The following CHSY1 variants were observed in gnomAD, a reference collection of about 807,000 sequenced individuals.
CHSY1 encodes the protein N-acetylgalactosaminyl-proteoglycan 3-beta-glucuronosyltransferase 1.
CHSY1 carries 13 observed loss-of-function variants against 59.8 expected under a neutral mutation model. The observed-to-expected ratio is 0.22, with a 90% CI of 0.14 to 0.35. The LOEUF is 0.35. Among genes scored for constraint, CHSY1 ranks in the 10% least tolerant of loss-of-function variants. CHSY1 has a pLI of 1.00. For synonymous variants in CHSY1, 459 were observed against 401.2 expected (o/e 1.14, Z -1.72); for missense variants, 947 against 1,030.6 (o/e 0.92, Z 1.11).
intron 2 of CHSY1, among the ~76,000 whole-genome samples, chr15:101,197,890 T>C (rs1002839162): frequency 1.3e-5 from 2 of 152,136 alleles, no homozygotes; most frequent in Admixed American, 6.5e-5. Flanking sequence ...CGAGTGGTAT[T>C]TGGACGCCTT....
chr15:101,249,145 A>G (rs1188434934), intron 1 of CHSY1, among the ~76,000 whole-genome samples: 1 of 151,714 alleles, frequency 6.6e-6, no homozygotes, highest in African/African-American at 2.4e-5. Context: ...TAGGCCCCCC[A>G]CTGATTTGAA....
chr15:101,191,292 A>G (rs892384341), intron 2 of CHSY1, among the ~76,000 whole-genome samples: 2 of 152,260 alleles, frequency 1.3e-5, no homozygotes, highest in African/African-American at 2.4e-5. Context: ...AATGCATGTT[A>G]CTAAGTAAAA....
intron 1 of CHSY1, among the ~76,000 whole-genome samples, chr15:101,250,442 T>G (rs930396659): frequency 1.3e-5 from 2 of 152,208 alleles, no homozygotes; most frequent in African/African-American, 4.8e-5. Context: ...CCAGCTGCTT[T>G]TATGACTCAT....
In CHSY1 at chr15:101,210,107, AAAAC is replaced by A. The variant is rs1439314902; in HGVS notation, c.816+24971_816+24974del. On this transcript the variant is annotated intron_variant, in intron 2 of 2. Coordinates refer to ENST00000254190, the MANE Select transcript of CHSY1 (RefSeq NM_014918.5). ...TCTAGGAAAAAGCATGGAAAAGAAA[AAAAC>A]AAAGTTCAAAAACAAGATCTGTAAC... is the stretch of plus-strand genomic sequence containing the variant. Among the ~76,000 whole-genome samples, 3 of 152,374 alleles carry A rather than the reference AAAAC, an allele frequency of 2.0e-5. No homozygotes were observed. In the East Asian group the frequency reaches 5.8e-4, roughly 29 times the overall value.
chr15:101,211,497 T>C (rs1182074464), intron 2 of CHSY1, among the ~76,000 whole-genome samples: 2 of 152,132 alleles, frequency 1.3e-5, no homozygotes. Flanking sequence ...AATATATATG[T>C]AACTAGAGAC....
Position 101,178,674 on chromosome 15 carries a change from C to G in CHSY1, c.1123G>C (p.Glu375Gln). Residue 375 changes from glutamate (E) to glutamine (Q), a missense_variant, in exon 3 of 3, where the codon GAA becomes CAA. Physicochemically the swap from Glu to Gln is conservative, Grantham distance 29. Coordinates refer to ENST00000254190, the MANE Select transcript of CHSY1 (RefSeq NM_014918.5). ...TATTTTCCAGTCAGAAACTCCCATTCCAGAATCTCCTCTCGCTGGCGGGGC... is the reference window on the plus strand; with the variant it reads ...TATTTTCCAGTCAGAAACTCCCATTGCAGAATCTCCTCTCGCTGGCGGGGC... ...FQPRQREEIL[E>Q]WEFLTGKYLY... 1 of 1,614,256 alleles carries G rather than the reference C, an allele frequency of 6.2e-7. No individual in the cohort carries two copies. The highest frequency in any genetic ancestry group is 8.5e-7 in the Non-Finnish European group (1 of 1,180,052).
chr15:101,190,071 G>C (rs879398427), intron 2 of CHSY1, among the ~76,000 whole-genome samples: 3 of 152,208 alleles, frequency 2.0e-5, no homozygotes, highest in Admixed American at 1.3e-4. Flanking sequence ...CCTAGGTTTT[G>C]AGCACGACCC....
intron 1 of CHSY1, among the ~76,000 whole-genome samples, chr15:101,244,672 T>C (rs1313452841): frequency 6.6e-6 from 1 of 152,252 alleles, no homozygotes; most frequent in Non-Finnish European, 1.5e-5. Flanking sequence ...ACATACACTT[T>C]TGTTTTACTT....
intron 2 of CHSY1, among the ~76,000 whole-genome samples, chr15:101,218,624 G>A (rs1444572581): frequency 6.6e-6 from 1 of 152,114 alleles, no homozygotes; most frequent in Non-Finnish European, 1.5e-5. Flanking sequence ...TTAAACTTAC[G>A]TTAAAACAGG....
At chr15:101,239,334 T>C (rs867020500) in intron 1 of CHSY1, among the ~76,000 whole-genome samples, 1 of 152,350 alleles carries the variant, frequency 6.6e-6, no homozygotes, top group South Asian at 2.1e-4. Context: ...TAAAACACTG[T>C]AATGTTATTT....
At chr15:101,192,011 A>G (rs1314229555) in intron 2 of CHSY1, among the ~76,000 whole-genome samples, 1 of 152,246 alleles carries the variant, frequency 6.6e-6, no homozygotes, top group Non-Finnish European at 1.5e-5. Flanking sequence ...ATTAACAATG[A>G]GTAGGATTGT....
chr15:101,191,981 T>C (rs572045689), intron 2 of CHSY1, among the ~76,000 whole-genome samples: 1 of 152,010 alleles, frequency 6.6e-6, no homozygotes, highest in Non-Finnish European at 1.5e-5. Flanking sequence ...TAGGTGGAAA[T>C]AAAATGCAAG....
chr15:101,233,452 C>G (rs12595071), intron 2 of CHSY1, among the ~76,000 whole-genome samples: 1 of 152,134 alleles, frequency 6.6e-6, no homozygotes, highest in Non-Finnish European at 1.5e-5. Flanking sequence ...AATGTGTTAC[C>G]TATTTTAACC....
At chr15:101,181,071 C>T (rs1022799248) in intron 2 of CHSY1, among the ~76,000 whole-genome samples, 9 of 152,224 alleles carry the variant, frequency 5.9e-5, no homozygotes, top group African/African-American at 2.2e-4. Flanking sequence ...GGACCTGCTA[C>T]GGTGCCTCAG....
At chr15:101,222,788 G>T (rs536145785) in intron 2 of CHSY1, among the ~76,000 whole-genome samples, 4 of 146,158 alleles carry the variant, frequency 2.7e-5, no homozygotes, top group South Asian at 2.1e-4. Flanking sequence ...CCATCATGGT[G>T]GGGGGGGTAC....
At chr15:101,208,054 G>A (rs2038645748) in intron 2 of CHSY1, among the ~76,000 whole-genome samples, 1 of 152,232 alleles carries the variant, frequency 6.6e-6, no homozygotes, top group Non-Finnish European at 1.5e-5. Flanking sequence ...ATGTGGCTGA[G>A]GCCAATGAGC....
chr15:101,218,886 T>G (rs1471583576), intron 2 of CHSY1, among the ~76,000 whole-genome samples: 2 of 152,234 alleles, frequency 1.3e-5, no homozygotes, highest in Non-Finnish European at 2.9e-5. Context: ...TCAAAAATTC[T>G]CAACATTTCA....
chr15:101,240,243 G>A (rs769869744), intron 1 of CHSY1, among the ~76,000 whole-genome samples: 1 of 152,140 alleles, frequency 6.6e-6, no homozygotes, highest in Non-Finnish European at 1.5e-5. Context: ...CAAAGTGAAC[G>A]AGTTCAGGAA....
chr15:101,245,670 C>T (rs2039043186), intron 1 of CHSY1, among the ~76,000 whole-genome samples: 1 of 152,206 alleles, frequency 6.6e-6, no homozygotes, highest in Non-Finnish European at 1.5e-5. Flanking sequence ...TGGAATCAAT[C>T]CGCTATTGAC....
Sources: gnomAD v4.1 joint callset for allele counts (sites outside exome capture counted in the v4.1 genomes callset) on GRCh38, gnomAD v4.1.1 for gene constraint, MANE v1.5 for transcripts, NCBI Gene and HGNC (gene_info 2026-07-23, HGNC 2026-07-21) for gene names.